TSNAX: variants seen among roughly 807,000 people sequenced by gnomAD.
TSNAX encodes translin associated factor X, also known as translin-associated protein X.
In TSNAX, 12 loss-of-function variants were observed where a neutral mutation model predicts 33.0. The observed-to-expected ratio is 0.36, with a 90% CI of 0.23 to 0.59. The LOEUF is 0.59. TSNAX is among the 20% of genes least tolerant of loss of function. The pLI is 0.74. For missense variants in TSNAX, 267 were observed against 341.3 expected (o/e 0.78, Z 1.72); for synonymous variants, 110 against 117.2 (o/e 0.94, Z 0.40).
At chr1:231,549,852 C>G (rs777686074) in intron 4 of TSNAX, among the ~76,000 whole-genome samples, 3 of 152,180 alleles carry the variant, frequency 2.0e-5, no homozygotes, top group African/African-American at 4.8e-5. Flanking sequence ...CTAGGCCTGT[C>G]ATAATAAAAT....
chr1:231,544,190 G>A (rs1659756138), intron 4 of TSNAX, among the ~76,000 whole-genome samples: 1 of 152,116 alleles, frequency 6.6e-6, no homozygotes, highest in South Asian at 2.1e-4. Flanking sequence ...CTTAGTTTCT[G>A]GAAAGTGCTT....
At chr1:231,535,801 G>T (rs1659126217) in intron 2 of TSNAX, 1 of 152,194 alleles carries the variant, frequency 6.6e-6, no homozygotes, top group Non-Finnish European at 1.5e-5. Context: ...TGTTAGAATT[G>T]TGAAAATGCT....
At chr1:231,533,064 A>T (rs1002528373) in intron 2 of TSNAX, among the ~76,000 whole-genome samples, 1 of 151,110 alleles carries the variant, frequency 6.6e-6, no homozygotes, top group Non-Finnish European at 1.5e-5. Context: ...ATTTCATGGG[A>T]AGTCTTTTTT....
chr1:231,547,591 A>G (rs950294106), intron 4 of TSNAX, among the ~76,000 whole-genome samples: 14 of 151,314 alleles, frequency 9.3e-5, no homozygotes, highest in East Asian at 3.9e-4. Context: ...GGGTTTCACT[A>G]TGTTGACCAG....
chr1:231,555,670 A>G (rs1395464667), intron 4 of TSNAX, among the ~76,000 whole-genome samples: 1 of 152,234 alleles, frequency 6.6e-6, no homozygotes, highest in East Asian at 1.9e-4. Flanking sequence ...TTTAAGCAAG[A>G]TGCCATAATT....
intron 4 of TSNAX, among the ~76,000 whole-genome samples, chr1:231,544,375 T>G (rs891069686): frequency 3.3e-5 from 5 of 152,212 alleles, no homozygotes; most frequent in South Asian, 2.1e-4. Context: ...TTGCAAAAAT[T>G]CATGACAGTT....
intron 4 of TSNAX, among the ~76,000 whole-genome samples, chr1:231,558,959 C>G (rs1464772627): frequency 6.6e-6 from 1 of 152,020 alleles, no homozygotes; most frequent in Non-Finnish European, 1.5e-5. Flanking sequence ...TTAGTGCTAT[C>G]AAAACCAGGG....
At chr1:231,529,603 T>C (rs1658522316) in intron 2 of TSNAX, among the ~76,000 whole-genome samples, 1 of 152,204 alleles carries the variant, frequency 6.6e-6, no homozygotes. Context: ...TTAATTAATA[T>C]TTGACATGTC....
At chr1:231,563,298 T>C (rs952206656) in intron 5 of TSNAX, among the ~76,000 whole-genome samples, 2 of 152,190 alleles carry the variant, frequency 1.3e-5, no homozygotes, top group East Asian at 1.9e-4. Context: ...AAGAATTCAG[T>C]AGAGGGAAAT....
intron 4 of TSNAX, among the ~76,000 whole-genome samples, chr1:231,546,908 G>T (rs1659954204): frequency 6.6e-6 from 1 of 152,180 alleles, no homozygotes; most frequent in African/African-American, 2.4e-5. Flanking sequence ...AGGATTTTAT[G>T]CACCAGCCCT....
At chr1:231,531,035 C>T (rs1164590393) in intron 2 of TSNAX, among the ~76,000 whole-genome samples, 1 of 151,264 alleles carries the variant, frequency 6.6e-6, no homozygotes, top group Non-Finnish European at 1.5e-5. Context: ...TGGCTCACTG[C>T]AAAACCTCTG....
chr1:231,531,853 A>G (rs141536012), intron 2 of TSNAX, among the ~76,000 whole-genome samples: 1,681 of 152,276 alleles, frequency 0.011, 17 homozygotes, highest in Non-Finnish European at 0.018. Flanking sequence ...TGATAAATTC[A>G]GGAAGTTTAT....
chr1:231,529,224 G>A, intron 1 of TSNAX, 31 bp from the exon 2 acceptor site: 1 of 1,604,056 alleles, frequency 6.2e-7, no homozygotes, highest in East Asian at 2.2e-5. Flanking sequence ...GGTGATGGAA[G>A]ATCCCTCTCT....
rs147541335 is a variant in TSNAX, at chr1:231,537,626, G to A, written c.236+299G>A. 5.9e-3 allele frequency among the ~76,000 whole-genome samples: 900 copies of A among 151,602 alleles called. 8 individuals are homozygous for A. Among genetic ancestry groups the A allele is most frequent in the African/African-American group, 0.021 (858 of 41,306 alleles). On this transcript the variant is annotated intron_variant, in intron 3 of 5. Coordinates refer to ENST00000366639, the MANE Select transcript of TSNAX (RefSeq NM_005999.3). ...ATTGGTGGTGCATGCCTATCATCCCGGCTACTTGGGAGGCTGAGGTGGGAG... is the reference window on the plus strand; with the variant it reads ...ATTGGTGGTGCATGCCTATCATCCCAGCTACTTGGGAGGCTGAGGTGGGAG...
chr1:231,565,545 G>A lies in TSNAX; in HGVS notation c.*640G>A, dbSNP rs757351599. On this transcript the variant is annotated 3_prime_UTR_variant, in exon 6 of 6. Transcript: ENST00000366639. ...TCAAGACCAGCCTGACCAACGTGGCGAAACCTCGTCTCTACTAGAAATACA... is the reference window on the plus strand; with the variant it reads ...TCAAGACCAGCCTGACCAACGTGGCAAAACCTCGTCTCTACTAGAAATACA... 2.0e-5 allele frequency: 3 copies of A among 152,152 alleles called. No individual in the cohort carries two copies. Among genetic ancestry groups the A allele is most frequent in the African/African-American group, 4.8e-5 (2 of 41,382 alleles). 9.4% of individuals were successfully genotyped at this position (152,152 alleles called of 1,614,324 possible).
At chr1:231,533,062 G>A (rs1658884803) in intron 2 of TSNAX, among the ~76,000 whole-genome samples, 2 of 151,678 alleles carry the variant, frequency 1.3e-5, no homozygotes. Context: ...GGATTTCATG[G>A]GAAGTCTTTT....
intron 4 of TSNAX, among the ~76,000 whole-genome samples, chr1:231,556,543 G>C (rs995033418): frequency 2.6e-5 from 4 of 152,204 alleles, no homozygotes; most frequent in Admixed American, 6.5e-5. Context: ...AGGATCGACA[G>C]TGTTACATTG....
chr1:231,563,085 C>A (rs1047942265), intron 5 of TSNAX, among the ~76,000 whole-genome samples: 4 of 152,144 alleles, frequency 2.6e-5, no homozygotes, highest in African/African-American at 9.7e-5. Flanking sequence ...AAAGCTGTCT[C>A]CCTTGTCTCA....
At chr1:231,536,587 A>G (rs536471458) in intron 2 of TSNAX, 1 of 152,334 alleles carries the variant, frequency 6.6e-6, no homozygotes, top group African/African-American at 2.4e-5. Context: ...TACAGAAATT[A>G]TTAGATATTT....
Sources: allele counts gnomAD v4.1 joint callset (sites outside exome capture counted in the v4.1 genomes callset), GRCh38; gene constraint gnomAD v4.1.1; transcripts MANE v1.5; gene names NCBI Gene and HGNC (gene_info 2026-07-23, HGNC 2026-07-21).